The following FCRL1 variants were observed in gnomAD, a reference collection of about 807,000 sequenced individuals.
The protein encoded by FCRL1 is Fc receptor-like protein 1.
A neutral mutation model predicts 49.2 loss-of-function variants in FCRL1; 34 were observed. The ratio of observed to expected loss-of-function variants is 0.69; its 90% confidence interval spans 0.53 to 0.92. The LOEUF is 0.92. FCRL1 is among the 40% of genes least tolerant of loss of function. The pLI is 0.00. For synonymous variants in FCRL1, 218 were observed against 201.6 expected (o/e 1.08, Z -0.69); for missense variants, 524 against 524.1 (o/e 1.00, Z 0.00).
At chr1:157,816,389 A>G (rs1655022923) in intron 1 of FCRL1, among the ~76,000 whole-genome samples, 1 of 152,010 alleles carries the variant, frequency 6.6e-6, no homozygotes, top group Admixed American at 6.6e-5. Context: ...ACAAAATTCA[A>G]CATCCATTTA....
chr1:157,812,110 C>G (rs551939510), intron 1 of FCRL1, among the ~76,000 whole-genome samples: 1 of 152,292 alleles, frequency 6.6e-6, no homozygotes, highest in East Asian at 1.9e-4. Context: ...GGTGTGAAAA[C>G]CAGCCTGGCA....
intron 1 of FCRL1, among the ~76,000 whole-genome samples, chr1:157,813,302 T>A (rs748946226): frequency 6.9e-4 from 105 of 152,322 alleles, no homozygotes; most frequent in Non-Finnish European, 1.3e-3. Context: ...ATTATAATCT[T>A]AAGGAAACTC....
chr1:157,798,290 A>G (rs374979360), intron 7 of FCRL1, 47 bp from the exon 8 acceptor site: 2 of 1,454,182 alleles, frequency 1.4e-6, no homozygotes, highest in African/African-American at 1.4e-5. Context: ...TGCATCCCAG[A>G]TCATGCAGAT....
At chr1:157,801,600 G>A in intron 5 of FCRL1, 23 bp from the exon 6 acceptor site, 3 of 1,519,684 alleles carry the variant, frequency 2.0e-6, no homozygotes, top group Non-Finnish European at 2.7e-6. Context: ...ACCTGTGCAT[G>A]ATCTGCTCAG....
At chr1:157,803,200 G>A (rs1042852487) in intron 3 of FCRL1, among the ~76,000 whole-genome samples, 1 of 152,216 alleles carries the variant, frequency 6.6e-6, no homozygotes, top group African/African-American at 2.4e-5. Flanking sequence ...TATTGTGGTG[G>A]TGGTGGTCCA....
At chr1:157,796,259 A>G (rs1165954982) in intron 10 of FCRL1, 89 bp from the exon 11 acceptor site, 1 of 1,015,700 alleles carries the variant, frequency 9.8e-7, no homozygotes, top group African/African-American at 1.6e-5. Context: ...GATGCATCTT[A>G]TCATGGCACA....
chr1:157,818,909 TG>T (rs1371916644), intron 1 of FCRL1, among the ~76,000 whole-genome samples: 1 of 152,154 alleles, frequency 6.6e-6, no homozygotes, highest in African/African-American at 2.4e-5. Flanking sequence ...AACATATTGA[TG>T]ATGGAGCAAA....
rs1354162268 is a variant in FCRL1, at chr1:157,794,531, T to A, written c.*1568A>T. The A allele has an allele frequency of 1.3e-5, 2 of 152,224 alleles. No individual in the cohort carries two copies. The highest frequency in any genetic ancestry group is 1.3e-4 in the Admixed American group (2 of 15,278). The allele number at this position is 152,224 out of a possible 1,614,324, so 9.4% of individuals were successfully genotyped here. On this transcript the variant is annotated 3_prime_UTR_variant, in exon 11 of 11. Coordinates refer to ENST00000368176, the MANE Select transcript of FCRL1 (RefSeq NM_052938.5). ...TTGATACAGCCTTACCTGAGAGACATTGAAGACTATTTAACAAGAATATTT... is the reference window on the plus strand; with the variant it reads ...TTGATACAGCCTTACCTGAGAGACAATGAAGACTATTTAACAAGAATATTT...
At chr1:157,804,511 C>T (rs1161919208) in intron 2 of FCRL1, among the ~76,000 whole-genome samples, 1 of 152,114 alleles carries the variant, frequency 6.6e-6, no homozygotes, top group African/African-American at 2.4e-5. Context: ...TTCTTTTATC[C>T]TTCTAAGCTA....
At chr1:157,802,973 C>T (rs1652783512) in intron 3 of FCRL1, among the ~76,000 whole-genome samples, 3 of 152,220 alleles carry the variant, frequency 2.0e-5, no homozygotes, top group African/African-American at 7.2e-5. Flanking sequence ...GATTACAAGT[C>T]TAAATTGTAA....
At chr1:157,812,062 G>C (rs1654403043) in intron 1 of FCRL1, among the ~76,000 whole-genome samples, 1 of 152,148 alleles carries the variant, frequency 6.6e-6, no homozygotes, top group Admixed American at 6.5e-5. Context: ...CCCTAGGGAA[G>C]CCACAGCTGA....
intron 1 of FCRL1, among the ~76,000 whole-genome samples, chr1:157,816,812 GATA>G (rs1655091196): frequency 6.6e-6 from 1 of 151,518 alleles, no homozygotes; most frequent in African/African-American, 2.4e-5. Context: ...TAGATAGATA[GATA>G]GATAGATAGA....
At chr1:157,803,595 C>T (rs1402178504) in intron 3 of FCRL1, among the ~76,000 whole-genome samples, 2 of 152,184 alleles carry the variant, frequency 1.3e-5, no homozygotes, top group Non-Finnish European at 2.9e-5. Context: ...TATTATGCAG[C>T]TCTTCCCCCC....
intron 3 of FCRL1, among the ~76,000 whole-genome samples, chr1:157,802,883 C>T (rs1652770967): frequency 6.6e-6 from 1 of 152,176 alleles, no homozygotes; most frequent in Non-Finnish European, 1.5e-5. Flanking sequence ...AGCATCACCT[C>T]TCTCCCTAGA....
chr1:157,820,040 G>C lies in FCRL1; in HGVS notation c.-3C>G. The C allele has an allele frequency of 6.2e-7, 1 of 1,614,090 alleles. No individual in the cohort carries two copies. Among genetic ancestry groups the C allele is most frequent in the Non-Finnish European group, 8.5e-7 (1 of 1,180,022 alleles). ...AACAGCAACAGCCTCGGCAGCATGA[G>C]GACCAGGTCAGGGATGGTACCTAGA... On this transcript the variant is annotated 5_prime_UTR_variant, in exon 1 of 11. Coordinates refer to ENST00000368176, the MANE Select transcript of FCRL1 (RefSeq NM_052938.5).
At chr1:157,796,257 T>C in intron 10 of FCRL1, 87 bp from the exon 11 acceptor site, 1 of 1,068,750 alleles carries the variant, frequency 9.4e-7, no homozygotes, top group Non-Finnish European at 1.4e-6. Flanking sequence ...TGGATGCATC[T>C]TATCATGGCA....
chr1:157,807,576 G>A (rs1220825158), intron 1 of FCRL1, among the ~76,000 whole-genome samples: 17 of 152,130 alleles, frequency 1.1e-4, no homozygotes. Context: ...TCTCTCAAGG[G>A]AACAACAGAG....
intron 1 of FCRL1, among the ~76,000 whole-genome samples, chr1:157,812,778 G>A (rs1431754020): frequency 6.6e-6 from 1 of 152,134 alleles, no homozygotes; most frequent in Non-Finnish European, 1.5e-5. Flanking sequence ...TCAAGCATCT[G>A]TGCCCTGGAA....
rs12077293 is a variant in FCRL1 at position 157,802,054 on chromosome 1, C to G, written c.747G>C (p.Leu249=). 14,976 of 1,614,186 alleles carry G rather than the reference C, an allele frequency of 9.3e-3. 1,136 individuals carry two copies. The African/African-American group carries it at 0.17, about 18-fold the overall frequency. The change falls in exon 5 of 11, where the codon CTG becomes CTC. Residue 249 remains leucine, a synonymous_variant. Coordinates refer to ENST00000368176, the MANE Select transcript of FCRL1 (RefSeq NM_052938.5). ...LYWFYHEDIT[L]GSRSAPSGGG... ...CTCCAGAGGGGGCCGACCTGCTCCC[C>G]AGGGTGATATCCTCGTGATAAAACC...
Sources: allele counts gnomAD v4.1 joint callset (sites outside exome capture counted in the v4.1 genomes callset), GRCh38; gene constraint gnomAD v4.1.1; transcripts MANE v1.5; gene names NCBI Gene and HGNC (gene_info 2026-07-23, HGNC 2026-07-21).